The following RAI14 variants were observed in gnomAD, a reference collection of about 807,000 sequenced individuals.
RAI14 encodes ankycorbin.
RAI14 carries 45 observed loss-of-function variants against 115.4 expected under a neutral mutation model. The observed-to-expected ratio is 0.39, with a 90% confidence interval of 0.31 to 0.50. RAI14 has a LOEUF of 0.50. Ranked by LOEUF, RAI14 falls within the 20% of genes least tolerant of loss-of-function variation. The probability of loss-of-function intolerance (pLI) is 0.85; values close to 1 mark genes in which losing one functional copy is unlikely to be tolerated. For missense variants in RAI14, 939 were observed against 1,131.2 expected (o/e 0.83, Z 2.44); for synonymous variants, 371 against 415.4 (o/e 0.89, Z 1.30).
At chr5:34,716,990 ATGGTCAGGAGAAATG>A (rs1742078809) in intron 2 of RAI14, 1 of 152,154 alleles carries the variant, frequency 6.6e-6, no homozygotes, top group Admixed American at 6.5e-5. Context: ...CTTCTTTATT[ATGGTCAGGAGAAATG>A]TTCTCTCACT....
chr5:34,688,161 C>T (rs1430277634), intron 2 of RAI14: 1 of 1,541,804 alleles, frequency 6.5e-7, no homozygotes, highest in African/African-American at 1.4e-5. Context: ...CATCCGACTT[C>T]CGAGAAACCT....
chr5:34,824,091 A>C lies in RAI14; in HGVS notation c.2249A>C (p.Lys750Thr), dbSNP rs558356374. ...ACTGCAGCAAAAGAGATGGAAGAAA[A>C]AATAAGCAATCTTAAGGAACACCTT... ...LRTAAKEMEEKISNLKEHLAS... is the reference protein window; with the variant it reads ...LRTAAKEMEETISNLKEHLAS... The change falls in exon 15 of 18, where the codon AAA becomes ACA. Residue 750 changes from lysine to threonine, a missense_variant. Transcript: ENST00000265109. 1 of 1,614,220 alleles carries C rather than the reference A, an allele frequency of 6.2e-7. No homozygotes were observed. Among genetic ancestry groups the C allele is most frequent in the Non-Finnish European group, 8.5e-7 (1 of 1,180,024 alleles).
chr5:34,813,025 ATC>A (rs1481913844), intron 10 of RAI14, among the ~76,000 whole-genome samples: 4 of 152,168 alleles, frequency 2.6e-5, no homozygotes, highest in Non-Finnish European at 4.4e-5. Context: ...TATTGTCACT[ATC>A]TGTTTTTTTG....
chr5:34,732,304 G>A (rs1341747998), intron 2 of RAI14, among the ~76,000 whole-genome samples: 6 of 152,252 alleles, frequency 3.9e-5, no homozygotes, highest in East Asian at 1.9e-4. Context: ...CCATGGACTC[G>A]ACAGTATATA....
chr5:34,802,597 A>G (rs904632169), intron 4 of RAI14, among the ~76,000 whole-genome samples: 3 of 152,194 alleles, frequency 2.0e-5, no homozygotes, highest in Non-Finnish European at 4.4e-5. Context: ...ACTGTGCAGC[A>G]GCAGAGTTGT....
At chr5:34,691,340 A>T (rs1480119718) in intron 2 of RAI14, among the ~76,000 whole-genome samples, 1 of 152,258 alleles carries the variant, frequency 6.6e-6, no homozygotes, top group Non-Finnish European at 1.5e-5. Context: ...CTAGTTTTAA[A>T]AATGGATAGA....
intron 2 of RAI14, among the ~76,000 whole-genome samples, chr5:34,753,727 A>G (rs1381416981): frequency 2.0e-5 from 3 of 152,152 alleles, no homozygotes; most frequent in Non-Finnish European, 2.9e-5. Flanking sequence ...CATCCTGGCT[A>G]ACATGGTGAA....
intron 1 of RAI14, chr5:34,685,918 C>CTG (rs1744817766): frequency 6.6e-6 from 1 of 152,318 alleles, no homozygotes; most frequent in South Asian, 2.1e-4. Context: ...CTCAGAATTG[C>CTG]TGAGTCCCAC....
chr5:34,775,201 G>C (rs1341241194), intron 3 of RAI14, among the ~76,000 whole-genome samples: 1 of 152,160 alleles, frequency 6.6e-6, no homozygotes, highest in East Asian at 1.9e-4. Context: ...GCGTTGGGTT[G>C]GGCAAAGATT....
chr5:34,800,397 A>G (rs1754114523), intron 4 of RAI14, among the ~76,000 whole-genome samples: 1 of 152,206 alleles, frequency 6.6e-6, no homozygotes, highest in African/African-American at 2.4e-5. Flanking sequence ...TTATTTGCCC[A>G]CAGGGAAATT....
chr5:34,717,812 T>G (rs968518921), intron 2 of RAI14, among the ~76,000 whole-genome samples: 1 of 151,552 alleles, frequency 6.6e-6, no homozygotes, highest in Non-Finnish European at 1.5e-5. Context: ...AGTACTGGCA[T>G]TCTTTCCTCA....
intron 2 of RAI14, among the ~76,000 whole-genome samples, chr5:34,715,423 T>G (rs1001788186): frequency 3.3e-5 from 5 of 152,186 alleles, no homozygotes; most frequent in Non-Finnish European, 7.3e-5. Flanking sequence ...CAGGGTCTTA[T>G]CAGTCCCTAG....
At chr5:34,770,950 C>T (rs1470899995) in intron 3 of RAI14, among the ~76,000 whole-genome samples, 1 of 152,024 alleles carries the variant, frequency 6.6e-6, no homozygotes, top group Non-Finnish European at 1.5e-5. Flanking sequence ...GGTCAGGATA[C>T]AAGGCTCCTG....
At chr5:34,780,410 G>T (rs1273095726) in intron 3 of RAI14, among the ~76,000 whole-genome samples, 1 of 152,110 alleles carries the variant, frequency 6.6e-6, no homozygotes, top group African/African-American at 2.4e-5. Context: ...CACAGCAAAA[G>T]AAACTACCAT....
chr5:34,763,740 G>A (rs1428854000), intron 3 of RAI14, among the ~76,000 whole-genome samples: 1 of 152,228 alleles, frequency 6.6e-6, no homozygotes, highest in African/African-American at 2.4e-5. Flanking sequence ...CCTGCCTGAA[G>A]TGTGATATGA....
At chr5:34,762,935 GT>G (rs1748857053) in intron 3 of RAI14, among the ~76,000 whole-genome samples, 2 of 60,618 alleles carry the variant, frequency 3.3e-5, no homozygotes, top group Non-Finnish European at 6.4e-5. Flanking sequence ...GTGCATGTGT[GT>G]GTGTGTGTGT....
At chr5:34,739,461 G>A (rs903022046) in intron 2 of RAI14, among the ~76,000 whole-genome samples, 2 of 152,182 alleles carry the variant, frequency 1.3e-5, no homozygotes, top group Non-Finnish European at 2.9e-5. Context: ...GGATTTGCTA[G>A]AATAGACAGA....
chr5:34,785,446 A>C (rs11959413), intron 3 of RAI14, among the ~76,000 whole-genome samples: 3,829 of 152,152 alleles, frequency 0.025, 170 homozygotes, highest in African/African-American at 0.087. Context: ...ATCTCTTCCC[A>C]TAAATTTATA....
intron 2 of RAI14, among the ~76,000 whole-genome samples, chr5:34,706,929 A>G (rs1274235104): frequency 6.6e-6 from 1 of 152,214 alleles, no homozygotes; most frequent in Non-Finnish European, 1.5e-5. Flanking sequence ...CAAAACTTGC[A>G]GCTCTTGCCC....
Sources: allele counts gnomAD v4.1 joint callset (sites outside exome capture counted in the v4.1 genomes callset), GRCh38; gene constraint gnomAD v4.1.1; transcripts MANE v1.5; gene names NCBI Gene and HGNC (gene_info 2026-07-23, HGNC 2026-07-21).